Variants in IL1RAPL1 observed in about 807,000 individuals in gnomAD.
IL1RAPL1 encodes interleukin-1 receptor accessory protein-like 1.
Under a neutral mutation model 48.4 loss-of-function variants are expected in IL1RAPL1, and 3 were observed. That is an observed-to-expected ratio of 0.06 (90% CI 0.03 to 0.16). The LOEUF (loss-of-function observed/expected upper bound fraction) is 0.16. Ranked by LOEUF, IL1RAPL1 falls within the 10% of genes least tolerant of loss-of-function variation. The pLI, the probability that IL1RAPL1 is intolerant of heterozygous loss-of-function variation, is 1.00. For missense variants in IL1RAPL1, 349 were observed against 530.6 expected (o/e 0.66, Z 3.36); for synonymous variants, 185 against 187.7 (o/e 0.99, Z 0.12).
intron 2 of IL1RAPL1, among the ~76,000 whole-genome samples, chrX:29,010,048 T>C (rs1926086714): frequency 8.9e-6 from 1 of 112,190 alleles, no homozygotes; most frequent in Non-Finnish European, 1.9e-5. Flanking sequence ...TTGATTTGGC[T>C]CTCAGTTTGA....
At chrX:29,139,418 A>C (rs1428211792) in intron 2 of IL1RAPL1, among the ~76,000 whole-genome samples, 1 of 111,271 alleles carries the variant, frequency 9.0e-6, no homozygotes, top group Non-Finnish European at 1.9e-5. Context: ...AATAATATAT[A>C]ATTCTGAGCA....
intron 1 of IL1RAPL1, among the ~76,000 whole-genome samples, chrX:28,688,354 G>A (rs1272632048): frequency 3.7e-5 from 4 of 109,056 alleles, no homozygotes; most frequent in Admixed American, 2.0e-4. Context: ...GACTACAGGT[G>A]TGCACCACCG....
chrX:28,598,406 T>C (rs778216739), intron 1 of IL1RAPL1, among the ~76,000 whole-genome samples: 1 of 111,616 alleles, frequency 9.0e-6, no homozygotes, highest in Admixed American at 9.5e-5. Context: ...CTGTATCTGA[T>C]CATTCTATAT....
At chrX:28,803,560 T>C (rs979135385) in intron 2 of IL1RAPL1, among the ~76,000 whole-genome samples, 2 of 112,017 alleles carry the variant, frequency 1.8e-5, no homozygotes, top group Admixed American at 9.5e-5. Context: ...TTAACAGTTA[T>C]AAATGCGTTT....
intron 2 of IL1RAPL1, among the ~76,000 whole-genome samples, chrX:28,819,981 T>TATATATAC (rs1936915867): frequency 3.1e-5 from 2 of 64,972 alleles, no homozygotes; most frequent in South Asian, 8.6e-4. Flanking sequence ...TATATATATA[T>TATATATAC]ATATATATAT....
At chrX:29,490,865 T>TATACGTATATATATATATACGTATA (rs778859346) in intron 5 of IL1RAPL1, among the ~76,000 whole-genome samples, 1 of 107,593 alleles carries the variant, frequency 9.3e-6, no homozygotes, top group African/African-American at 3.6e-5. Context: ...TATATATATA[T>TATACGTATATATATATATACGTATA]TCTGAGTGTG....
chrX:28,925,791 C>T (rs894103412), intron 2 of IL1RAPL1, among the ~76,000 whole-genome samples: 8 of 110,522 alleles, frequency 7.2e-5, no homozygotes, highest in African/African-American at 2.0e-4. Context: ...TGTGGTGGTG[C>T]GTGTCTGTAG....
intron 2 of IL1RAPL1, among the ~76,000 whole-genome samples, chrX:29,213,760 C>A (rs149714263): frequency 9.0e-6 from 1 of 111,726 alleles, no homozygotes; most frequent in East Asian, 2.8e-4. Context: ...GTCTTTACTT[C>A]GATATATTCT....
At chrX:29,184,004 TA>T (rs1292500828) in intron 2 of IL1RAPL1, among the ~76,000 whole-genome samples, 1 of 112,337 alleles carries the variant, frequency 8.9e-6, no homozygotes, top group East Asian at 2.8e-4. Flanking sequence ...CCCCTTTTTT[TA>T]AAAACAAAAC....
chrX:28,674,263 A>C (rs770881190), intron 1 of IL1RAPL1, among the ~76,000 whole-genome samples: 20 of 110,306 alleles, frequency 1.8e-4, no homozygotes, highest in Middle Eastern at 4.7e-3. Flanking sequence ...TAAAAAAAAA[A>C]CCCAAAACAA....
At chrX:29,715,807 T>C (rs976480423) in intron 6 of IL1RAPL1, among the ~76,000 whole-genome samples, 3 of 112,204 alleles carry the variant, frequency 2.7e-5, no homozygotes, top group African/African-American at 9.7e-5. Context: ...AATCTATCTA[T>C]TCAATAAACT....
chrX:29,310,131 AAAGG>A (rs1932698174), intron 3 of IL1RAPL1, among the ~76,000 whole-genome samples: 3 of 37,734 alleles, frequency 8.0e-5, no homozygotes, highest in African/African-American at 1.2e-4. Flanking sequence ...AAAAAAAAAG[AAAGG>A]AAAAAAAAAA....
chrX:29,412,310 GA>G (rs111917270), intron 5 of IL1RAPL1, among the ~76,000 whole-genome samples: 40,297 of 108,772 alleles, frequency 0.37, 6,254 homozygotes, highest in Middle Eastern at 0.53. Flanking sequence ...GTTAGTTAGA[GA>G]AAAAAAATAT....
chrX:28,854,600 C>T (rs1921755924), intron 2 of IL1RAPL1, among the ~76,000 whole-genome samples: 1 of 111,296 alleles, frequency 9.0e-6, no homozygotes, highest in Non-Finnish European at 1.9e-5. Context: ...GGTAAAATCA[C>T]TGGAATGCAT....
At chrX:29,903,230 T>C (rs1231001761) in intron 6 of IL1RAPL1, among the ~76,000 whole-genome samples, 1 of 101,664 alleles carries the variant, frequency 9.8e-6, no homozygotes, top group East Asian at 2.8e-4. Context: ...TCTTTTTTCA[T>C]TTCTGAATAA....
intron 1 of IL1RAPL1, among the ~76,000 whole-genome samples, chrX:28,600,983 A>G (rs73630060): frequency 0.079 from 8,854 of 111,775 alleles, 284 homozygotes; most frequent in African/African-American, 0.12. Context: ...TTTATCCTAT[A>G]AAGATTTTCA....
chrX:28,983,568 T>C (rs1266428731), intron 2 of IL1RAPL1, among the ~76,000 whole-genome samples: 1 of 112,229 alleles, frequency 8.9e-6, no homozygotes, highest in Non-Finnish European at 1.9e-5. Flanking sequence ...CAATTTACGC[T>C]AACATTGGAG....
At chrX:29,675,175 T>C (rs1446085416) in intron 6 of IL1RAPL1, among the ~76,000 whole-genome samples, 1 of 112,434 alleles carries the variant, frequency 8.9e-6, no homozygotes, top group African/African-American at 3.2e-5. Context: ...ATTTGCAAAC[T>C]ATGTATCTGA....
At chrX:28,723,575 T>C (rs886300258) in intron 1 of IL1RAPL1, among the ~76,000 whole-genome samples, 2 of 111,924 alleles carry the variant, frequency 1.8e-5, no homozygotes, top group African/African-American at 6.5e-5. Context: ...TTGAAGGGTT[T>C]TTTGTGTCTC....
Sources: allele counts gnomAD v4.1 joint callset (sites outside exome capture counted in the v4.1 genomes callset), GRCh38; gene constraint gnomAD v4.1.1; transcripts MANE v1.5; gene names NCBI Gene and HGNC (gene_info 2026-07-23, HGNC 2026-07-21).